SCHIP1: variants seen among roughly 807,000 people sequenced by gnomAD.
SCHIP1 encodes schwannomin-interacting protein 1.
SCHIP1 carries 8 observed loss-of-function variants against 29.7 expected under a neutral mutation model. The ratio of observed to expected loss-of-function variants is 0.27; its 90% confidence interval spans 0.16 to 0.49. The LOEUF is 0.49. Among genes scored for constraint, SCHIP1 ranks in the 20% least tolerant of loss-of-function variants. SCHIP1 has a pLI of 0.99. For synonymous variants in SCHIP1, 76 were observed against 94.9 expected (o/e 0.80, Z 1.16); for missense variants, 193 against 294.6 (o/e 0.66, Z 2.52).
the SCHIP1 span, among the ~76,000 whole-genome samples, chr3:159,426,670 C>A: frequency 6.6e-6 from 1 of 152,148 alleles, no homozygotes; most frequent in Non-Finnish European, 1.5e-5. Context: ...GGGAATCCTC[C>A]CTAACTCATT....
chr3:159,728,914 C>A, the SCHIP1 span, among the ~76,000 whole-genome samples: 1 of 152,182 alleles, frequency 6.6e-6, no homozygotes, highest in Non-Finnish European at 1.5e-5. Flanking sequence ...CTTTGGGAGG[C>A]CAAGGCAGGC....
chr3:159,845,402 A>G (rs1460224393), intron 1 of SCHIP1: 2 of 134,654 alleles, frequency 1.5e-5, no homozygotes, highest in Non-Finnish European at 3.1e-5. Context: ...TTTTTTTTAG[A>G]TGGAGTCTTG....
the SCHIP1 span, among the ~76,000 whole-genome samples, chr3:159,754,964 G>T: frequency 6.6e-6 from 1 of 152,172 alleles, no homozygotes; most frequent in African/African-American, 2.4e-5. Flanking sequence ...GGCCGGGTGC[G>T]GTGGCTCACG....
At chr3:159,811,016 G>A in the SCHIP1 span, among the ~76,000 whole-genome samples, 5 of 152,260 alleles carry the variant, frequency 3.3e-5, no homozygotes, top group South Asian at 1.0e-3. Context: ...AAGTATAATA[G>A]CATCTCCTTG....
chr3:159,395,277 G>C, the SCHIP1 span, among the ~76,000 whole-genome samples: 1 of 152,072 alleles, frequency 6.6e-6, no homozygotes, highest in Non-Finnish European at 1.5e-5. Flanking sequence ...CCAGCTCCTA[G>C]ATTCATTAAT....
the SCHIP1 span, among the ~76,000 whole-genome samples, chr3:159,484,537 T>C: frequency 5.3e-5 from 8 of 152,086 alleles, no homozygotes; most frequent in Non-Finnish European, 1.0e-4. Context: ...AGTATGTCAT[T>C]ATGTGGCAGG....
the SCHIP1 span, among the ~76,000 whole-genome samples, chr3:159,557,083 A>G: frequency 6.6e-6 from 1 of 151,416 alleles, no homozygotes; most frequent in East Asian, 1.9e-4. Context: ...TCAGCCTCCC[A>G]AGTAGCTGGG....
At chr3:159,342,578 T>C in the SCHIP1 span, among the ~76,000 whole-genome samples, 31 of 152,330 alleles carry the variant, frequency 2.0e-4, no homozygotes, top group Middle Eastern at 3.4e-3. Flanking sequence ...TAACATTTAA[T>C]GCAACCAGAT....
the SCHIP1 span, among the ~76,000 whole-genome samples, chr3:159,560,900 T>C: frequency 2.3e-4 from 35 of 152,338 alleles, no homozygotes; most frequent in East Asian, 5.6e-3. Context: ...GTGTGAATCT[T>C]GTAACATTCC....
the SCHIP1 span, among the ~76,000 whole-genome samples, chr3:159,611,354 A>C: frequency 6.6e-6 from 1 of 152,294 alleles, no homozygotes; most frequent in African/African-American, 2.4e-5. Flanking sequence ...CAGCCATAAA[A>C]AAGAATGAAG....
the SCHIP1 span, among the ~76,000 whole-genome samples, chr3:159,579,349 T>C: frequency 6.6e-6 from 1 of 152,344 alleles, no homozygotes; most frequent in Middle Eastern, 3.4e-3. Context: ...GGATAAAGTC[T>C]GGGCAGAAGA....
the SCHIP1 span, among the ~76,000 whole-genome samples, chr3:159,520,255 T>C: frequency 2.0e-5 from 3 of 151,886 alleles, no homozygotes; most frequent in Non-Finnish European, 4.4e-5. Context: ...TATGAGGAGG[T>C]GAAGCCTGAG....
intron 2 of SCHIP1, among the ~76,000 whole-genome samples, chr3:159,870,306 T>C (rs1015159783): frequency 6.6e-6 from 1 of 151,992 alleles, no homozygotes; most frequent in Non-Finnish European, 1.5e-5. Flanking sequence ...TTTCTCATAT[T>C]AAATGAAATG....
At chr3:159,577,659 G>T in the SCHIP1 span, among the ~76,000 whole-genome samples, 1 of 152,108 alleles carries the variant, frequency 6.6e-6, no homozygotes, top group Non-Finnish European at 1.5e-5. Context: ...ATGACTGCAG[G>T]TCTATTCAGT....
At chr3:159,871,442 A>G (rs1715274431) in intron 2 of SCHIP1, among the ~76,000 whole-genome samples, 1 of 152,158 alleles carries the variant, frequency 6.6e-6, no homozygotes, top group Non-Finnish European at 1.5e-5. Flanking sequence ...CTAAAATATA[A>G]GCTCTAAGAG....
the SCHIP1 span, among the ~76,000 whole-genome samples, chr3:159,734,754 T>C: frequency 6.6e-6 from 1 of 151,308 alleles, no homozygotes; most frequent in Admixed American, 6.6e-5. Flanking sequence ...CGGCATAGGC[T>C]CCATAAATGC....
the SCHIP1 span, among the ~76,000 whole-genome samples, chr3:159,754,357 T>C: frequency 1.3e-5 from 2 of 152,234 alleles, no homozygotes; most frequent in South Asian, 2.1e-4. Context: ...TGTTACCTCA[T>C]TGTTATTGAA....
At chr3:159,890,485 G>T (rs1487489535) in intron 5 of SCHIP1, among the ~76,000 whole-genome samples, 1 of 152,076 alleles carries the variant, frequency 6.6e-6, no homozygotes, top group African/African-American at 2.4e-5. Context: ...AAAAAAATTG[G>T]ACATATTCAG....
chr3:159,329,911 A>G, the SCHIP1 span, among the ~76,000 whole-genome samples: 2 of 151,908 alleles, frequency 1.3e-5, no homozygotes, highest in African/African-American at 4.9e-5. Flanking sequence ...AGTTCTATTA[A>G]GTTAGAGTGG....
Sources: allele counts gnomAD v4.1 joint callset (sites outside exome capture counted in the v4.1 genomes callset), GRCh38; gene constraint gnomAD v4.1.1; transcripts MANE v1.5; gene names NCBI Gene and HGNC (gene_info 2026-07-23, HGNC 2026-07-21).